The following ATP9A variants were observed in gnomAD, a reference collection of about 807,000 sequenced individuals.
ATP9A encodes ATPase phospholipid transporting 9A.
A neutral mutation model predicts 144.1 loss-of-function variants in ATP9A; 52 were observed. That is an observed-to-expected ratio of 0.36 (90% CI 0.29 to 0.45). The LOEUF is 0.45. Ranked by LOEUF, ATP9A falls within the 20% of genes least tolerant of loss-of-function variation. ATP9A has a pLI of 1.00. For missense variants in ATP9A, 947 were observed against 1,392.7 expected (o/e 0.68, Z 5.09); for synonymous variants, 582 against 557.4 (o/e 1.04, Z -0.62).
chr20:51,738,206 G>T lies in ATP9A; in HGVS notation c.69-8228C>A, dbSNP rs8114661. 9.4e-3 allele frequency among the ~76,000 whole-genome samples: 1,426 copies of T among 151,848 alleles called. 17 individuals are homozygous for T. Among genetic ancestry groups the T allele is most frequent in the African/African-American group, 0.032 (1,340 of 41,436 alleles). On this transcript the variant is annotated intron_variant, in intron 1 of 27. Coordinates refer to ENST00000338821, the MANE Select transcript of ATP9A (RefSeq NM_006045.3). ...ACCACGCCCGGCTAATTTTTTGTAT[G>T]TTTAGTACAGACAGGGTTTCACCAT...
chr20:51,761,971 C>T (rs1035481920), intron 1 of ATP9A, among the ~76,000 whole-genome samples: 4 of 152,126 alleles, frequency 2.6e-5, no homozygotes, highest in Middle Eastern at 3.2e-3. Flanking sequence ...CTCATGGCCC[C>T]TTCTTCCCTC....
chr20:51,639,883 C>T (rs1422223597), intron 14 of ATP9A, among the ~76,000 whole-genome samples: 2 of 152,044 alleles, frequency 1.3e-5, no homozygotes, highest in Non-Finnish European at 2.9e-5. Context: ...GTCAGGAGTT[C>T]GAGACCAGCC....
At chr20:51,662,544 C>CA (rs57342641) in intron 13 of ATP9A, among the ~76,000 whole-genome samples, 3,113 of 134,430 alleles carry the variant, frequency 0.023, 108 homozygotes, top group African/African-American at 0.082. Context: ...GACTCTGTCT[C>CA]AAAAAAAAAA....
intron 27 of ATP9A, among the ~76,000 whole-genome samples, chr20:51,603,757 C>T (rs2077152252): frequency 1.4e-5 from 2 of 139,670 alleles, no homozygotes; most frequent in Admixed American, 1.5e-4. Context: ...CTCTACATTC[C>T]CATAACATTT....
At chr20:51,730,382 C>T (rs1157803237) in intron 1 of ATP9A, among the ~76,000 whole-genome samples, 1 of 152,154 alleles carries the variant, frequency 6.6e-6, no homozygotes, top group South Asian at 2.1e-4. Context: ...GGAGGATAAT[C>T]GCTTGAAACC....
At chr20:51,633,891 AGAGG>A (rs933332963) in intron 15 of ATP9A, among the ~76,000 whole-genome samples, 17 of 137,360 alleles carry the variant, frequency 1.2e-4, no homozygotes, top group Non-Finnish European at 3.1e-5. Context: ...AGGAAGGAAA[AGAGG>A]GAGGGAGGGA....
intron 27 of ATP9A, among the ~76,000 whole-genome samples, chr20:51,602,168 G>T (rs546894914): frequency 8.9e-4 from 128 of 143,536 alleles, no homozygotes; most frequent in African/African-American, 2.7e-3. Flanking sequence ...GATGGAAGGT[G>T]GGGGGGGCGG....
intron 10 of ATP9A, 89 bp from the exon 11 acceptor site, chr20:51,674,402 G>T: frequency 7.5e-7 from 1 of 1,335,638 alleles, no homozygotes; most frequent in Non-Finnish European, 1.0e-6. Context: ...GCAGTGAGCT[G>T]AGCCTCACTG....
chr20:51,624,062 C>G (rs1273910601), intron 18 of ATP9A, among the ~76,000 whole-genome samples: 1 of 152,164 alleles, frequency 6.6e-6, no homozygotes, highest in Non-Finnish European at 1.5e-5. Context: ...TGGCCAGGGC[C>G]CCACTGCAGA....
In ATP9A at chr20:51,597,747, G is replaced by A. The variant is rs1314302458; in HGVS notation, c.*3464C>T. The A allele has an allele frequency of 1.3e-5, 2 of 152,092 alleles. 1 individual carries two copies. Among genetic ancestry groups the A allele is most frequent in the Non-Finnish European group, 2.9e-5 (2 of 68,024 alleles). The allele number at this position is 152,092 out of a possible 1,614,324, so 9.4% of individuals were successfully genotyped here. A position where few individuals can be genotyped will look rare whatever the true frequency, so the allele number is the denominator to read the frequency against. On this transcript the variant is annotated 3_prime_UTR_variant, in exon 28 of 28. Transcript: ENST00000338821. Reference sequence around the variant, plus strand: ...TATAAAAAGAAAAGTCTGGCGGGGGGTGGGGGAGGCATTAGCATATCAATT... The same window carrying A: ...TATAAAAAGAAAAGTCTGGCGGGGGATGGGGGAGGCATTAGCATATCAATT...
chr20:51,659,608 G>A (rs952279981), intron 13 of ATP9A, among the ~76,000 whole-genome samples: 1 of 152,160 alleles, frequency 6.6e-6, no homozygotes, highest in Non-Finnish European at 1.5e-5. Context: ...TGTGTATGGA[G>A]TTACCAGATT....
chr20:51,671,032 G>A (rs1386191658), intron 12 of ATP9A, 83 bp downstream of exon 12: 1 of 1,528,788 alleles, frequency 6.5e-7, no homozygotes, highest in Non-Finnish European at 9.0e-7. Flanking sequence ...CATATGTCCA[G>A]AGAGAGCCCA....
At position 51,670,135 on chromosome 20, in the gene ATP9A, C is replaced by T. The variant is rs534254467; in HGVS notation, c.1181-26G>A. ...CTAAAACACAAGACAAATGAGTGGC[C>T]GGCCTGTCTCTCAGGATGTTTGTTA... On this transcript the variant is annotated intron_variant, in intron 12 of 27. Transcript: ENST00000338821. The T allele has an allele frequency of 1.6e-5, 25 of 1,542,358 alleles. No individual in the cohort carries two copies. In the East Asian group the frequency reaches 2.9e-4, roughly 18 times the overall value.
At position 51,748,907 on chromosome 20, in the gene ATP9A, TTAGATAGA is replaced by T. The variant is rs34474584; in HGVS notation, c.69-18937_69-18930del. Among the ~76,000 whole-genome samples, 321 of 143,268 alleles carry T rather than the reference TTAGATAGA, an allele frequency of 2.2e-3. 1 individual carries two copies. Among genetic ancestry groups the T allele is most frequent in the African/African-American group, 6.2e-3 (239 of 38,348 alleles). The allele number at this position is 143,268 out of a possible 152,430, so 94.0% of individuals were successfully genotyped here. A position where few individuals can be genotyped will look rare whatever the true frequency, so the allele number is the denominator to read the frequency against. Reference sequence around the variant, plus strand: ...GCCTGGGTGACAGCGCCTCTAAAGATTAGATAGATAGATAGATAGATAGATAGATAGAT... The same window carrying T: ...GCCTGGGTGACAGCGCCTCTAAAGATTAGATAGATAGATAGATAGATAGAT... On this transcript the variant is annotated intron_variant, in intron 1 of 27. Coordinates refer to ENST00000338821, the MANE Select transcript of ATP9A (RefSeq NM_006045.3).
chr20:51,759,322 C>G (rs931541064), intron 1 of ATP9A, among the ~76,000 whole-genome samples: 3 of 152,214 alleles, frequency 2.0e-5, no homozygotes, highest in Non-Finnish European at 4.4e-5. Flanking sequence ...TCAAAACATA[C>G]CCCTATATGC....
At chr20:51,709,039 T>C (rs1471362063) in intron 4 of ATP9A, among the ~76,000 whole-genome samples, 1 of 152,216 alleles carries the variant, frequency 6.6e-6, no homozygotes, top group Non-Finnish European at 1.5e-5. Flanking sequence ...TTAATAGCAA[T>C]ATATTGATGC....
chr20:51,680,944 AC>A (rs1221511807), intron 9 of ATP9A, among the ~76,000 whole-genome samples: 1 of 152,014 alleles, frequency 6.6e-6, no homozygotes, highest in Non-Finnish European at 1.5e-5. Flanking sequence ...TCCCTCCCCT[AC>A]CGCACCCCTC....
intron 14 of ATP9A, among the ~76,000 whole-genome samples, chr20:51,653,182 CTTT>C (rs56872433): frequency 2.7e-5 from 4 of 146,336 alleles, no homozygotes; most frequent in Admixed American, 6.8e-5. Context: ...GAAAGTAGTT[CTTT>C]TTTTTTTTCT....
intron 1 of ATP9A, among the ~76,000 whole-genome samples, chr20:51,763,574 A>C (rs2077891599): frequency 6.6e-6 from 1 of 152,124 alleles, no homozygotes; most frequent in Non-Finnish European, 1.5e-5. Context: ...TGGCCTCCCA[A>C]AGTGCTGGGA....
Sources: allele counts gnomAD v4.1 joint callset (sites outside exome capture counted in the v4.1 genomes callset), GRCh38; gene constraint gnomAD v4.1.1; transcripts MANE v1.5; gene names NCBI Gene and HGNC (gene_info 2026-07-23, HGNC 2026-07-21).